STAG1: variants seen among roughly 807,000 people sequenced by gnomAD.
STAG1 encodes the protein STAG1 cohesin complex component, also known as cohesin subunit SA-1.
In STAG1, 26 loss-of-function variants were observed where a neutral mutation model predicts 170.9. The observed-to-expected ratio is 0.15, with a 90% CI of 0.11 to 0.21. The LOEUF (loss-of-function observed/expected upper bound fraction) is 0.21, where lower values mean the gene tolerates loss of function less well. STAG1 is among the 10% of genes least tolerant of loss of function. The pLI is 1.00. For missense variants in STAG1, 964 were observed against 1,509.5 expected (o/e 0.64, Z 5.99); for synonymous variants, 514 against 497.7 (o/e 1.03, Z -0.44).
At position 136,601,145 on chromosome 3, in the gene STAG1, G is replaced by C. The variant is rs141875785; in HGVS notation, c.297+3164C>G. Among the ~76,000 whole-genome samples, 125 of 152,136 alleles carry C rather than the reference G, an allele frequency of 8.2e-4. No individual in the cohort carries two copies. The East Asian group carries it at 0.021, about 25-fold the overall frequency. The stretch of plus-strand genomic sequence containing the variant: ...CAAGGTGCTGAGATTACAGGCATGA[G>C]CCACCACACCCAGCCTAAAGAAGTA... On this transcript the variant is annotated intron_variant, in intron 4 of 33. Coordinates refer to ENST00000383202, the MANE Select transcript of STAG1 (RefSeq NM_005862.3).
chr3:136,370,066 C>G (rs554309902), intron 23 of STAG1, among the ~76,000 whole-genome samples: 201 of 77,174 alleles, frequency 2.6e-3, no homozygotes, highest in South Asian at 0.018. Context: ...CTATACTATA[C>G]TATACTATAC....
At position 136,357,867 on chromosome 3, in the gene STAG1, T is replaced by C; in HGVS notation, c.2937-19A>G. On this transcript the variant is annotated intron_variant, in intron 27 of 33. Transcript: ENST00000383202. Reference sequence around the variant, plus strand: ...GCCATCCCTGAAGTAAAAGAAAATATCAACTTATTTTTCCAGATAGTGTAA... The same window carrying C: ...GCCATCCCTGAAGTAAAAGAAAATACCAACTTATTTTTCCAGATAGTGTAA... 1 of 1,578,864 alleles carries C rather than the reference T, an allele frequency of 6.3e-7. No individual in the cohort carries two copies. Among genetic ancestry groups the C allele is most frequent in the Non-Finnish European group, 8.6e-7 (1 of 1,165,586 alleles).
At chr3:136,559,554 C>A (rs1311458177) in intron 5 of STAG1, among the ~76,000 whole-genome samples, 1 of 152,126 alleles carries the variant, frequency 6.6e-6, no homozygotes, top group East Asian at 1.9e-4. Flanking sequence ...ACACTAACTC[C>A]CGGTCAGTCA....
chr3:136,545,289 C>T (rs1242333528), intron 5 of STAG1, among the ~76,000 whole-genome samples: 2 of 152,052 alleles, frequency 1.3e-5, no homozygotes, highest in Non-Finnish European at 1.5e-5. Context: ...AGGCTGGTCT[C>T]GAACTCCTGA....
intron 14 of STAG1, among the ~76,000 whole-genome samples, chr3:136,448,606 G>C (rs1345796336): frequency 1.3e-5 from 2 of 152,122 alleles, no homozygotes; most frequent in Admixed American, 6.6e-5. Flanking sequence ...ATGTGGGTGG[G>C]GACAGGGCCA....
chr3:136,596,568 T>TG (rs1938438807), intron 4 of STAG1, among the ~76,000 whole-genome samples: 1 of 152,210 alleles, frequency 6.6e-6, no homozygotes, highest in African/African-American at 2.4e-5. Context: ...TAAACCTTTG[T>TG]GGTCCTATCC....
intron 12 of STAG1, among the ~76,000 whole-genome samples, chr3:136,466,471 C>T (rs7634481): frequency 0.022 from 3,310 of 152,084 alleles, 131 homozygotes; most frequent in African/African-American, 0.075. Flanking sequence ...TAAAAAGAAA[C>T]GAACAAAGCC....
chr3:136,732,333 A>G (rs1240159607), intron 1 of STAG1, among the ~76,000 whole-genome samples: 1 of 151,194 alleles, frequency 6.6e-6, no homozygotes, highest in Non-Finnish European at 1.5e-5. Flanking sequence ...TATTTTGTCT[A>G]GAGGTAACTT....
At chr3:136,468,161 C>A (rs1003639182) in intron 12 of STAG1, among the ~76,000 whole-genome samples, 6 of 151,940 alleles carry the variant, frequency 3.9e-5, no homozygotes, top group African/African-American at 1.5e-4. Flanking sequence ...AAGATCAGAG[C>A]AGAACTGAAG....
intron 4 of STAG1, among the ~76,000 whole-genome samples, chr3:136,569,349 T>C (rs1576617757): frequency 7.9e-6 from 1 of 126,136 alleles, no homozygotes; most frequent in Admixed American, 7.8e-5. Flanking sequence ...AAAAGAAAAA[T>C]AAAACAATTA....
chr3:136,438,240 C>CTTTTTTTTTTTTTTTT (rs371190637), intron 15 of STAG1, among the ~76,000 whole-genome samples: 1 of 128,200 alleles, frequency 7.8e-6, no homozygotes, highest in Admixed American at 8.7e-5. Flanking sequence ...AGTTTCTTTT[C>CTTTTTTTTTTTTTTTT]TTTTTTTTTT....
chr3:136,611,208 G>A (rs1006566391), intron 3 of STAG1, among the ~76,000 whole-genome samples: 4 of 151,864 alleles, frequency 2.6e-5, no homozygotes, highest in African/African-American at 4.8e-5. Flanking sequence ...GGATTGCAAC[G>A]GCACAATCTA....
intron 12 of STAG1, among the ~76,000 whole-genome samples, chr3:136,469,935 T>C (rs533418614): frequency 6.6e-6 from 1 of 152,314 alleles, no homozygotes; most frequent in South Asian, 2.1e-4. Flanking sequence ...TAGCCACATG[T>C]AGAAAGCTGA....
intron 6 of STAG1, among the ~76,000 whole-genome samples, chr3:136,524,958 G>C (rs1934918632): frequency 6.6e-6 from 1 of 152,154 alleles, no homozygotes; most frequent in Non-Finnish European, 1.5e-5. Flanking sequence ...CTTGATCATG[G>C]TGGATGAACT....
intron 1 of STAG1, among the ~76,000 whole-genome samples, chr3:136,647,452 C>G: frequency 1.3e-5 from 2 of 152,152 alleles, no homozygotes; most frequent in Middle Eastern, 3.4e-3. Context: ...GCCTGTAATC[C>G]CAGCTACTCG....
intron 16 of STAG1, among the ~76,000 whole-genome samples, chr3:136,423,429 C>T (rs754533607): frequency 2.6e-5 from 4 of 152,200 alleles, no homozygotes; most frequent in Non-Finnish European, 5.9e-5. Context: ...TAAATACCAA[C>T]AGAAGCTAAC....
intron 3 of STAG1, among the ~76,000 whole-genome samples, chr3:136,606,805 A>G (rs1938968533): frequency 6.7e-6 from 1 of 150,016 alleles, no homozygotes; most frequent in Admixed American, 6.7e-5. Flanking sequence ...CTAACGTGCA[A>G]TGGCGTGATC....
intron 13 of STAG1, among the ~76,000 whole-genome samples, chr3:136,463,608 T>G (rs2089336260): frequency 6.6e-6 from 1 of 151,294 alleles, no homozygotes; most frequent in Non-Finnish European, 1.5e-5. Context: ...CTGGGTACAG[T>G]GGCTCATGCC....
At chr3:136,675,471 G>T (rs1380504901) in intron 1 of STAG1, among the ~76,000 whole-genome samples, 5 of 152,206 alleles carry the variant, frequency 3.3e-5, no homozygotes, top group Non-Finnish European at 5.9e-5. Context: ...TAAAGCAAGT[G>T]CAGTCTGGTT....
Sources: gnomAD v4.1 joint callset for allele counts (sites outside exome capture counted in the v4.1 genomes callset) on GRCh38, gnomAD v4.1.1 for gene constraint, MANE v1.5 for transcripts, NCBI Gene and HGNC (gene_info 2026-07-23, HGNC 2026-07-21) for gene names.